The following AQP7 variants were observed in gnomAD, a reference collection of about 807,000 sequenced individuals.
AQP7 encodes aquaporin 7.
Under a neutral mutation model 26.1 loss-of-function variants are expected in AQP7, and 22 were observed. The ratio of observed to expected loss-of-function variants is 0.84; its 90% confidence interval spans 0.60 to 1.20. The LOEUF (loss-of-function observed/expected upper bound fraction) is 1.20, where lower values mean the gene tolerates loss of function less well. Ranked by LOEUF, AQP7 falls within the 50% of genes most tolerant of loss-of-function variation. AQP7 has a pLI of 0.00. For synonymous variants in AQP7, 167 were observed against 181.7 expected (o/e 0.92, Z 0.65); for missense variants, 412 against 457.5 (o/e 0.90, Z 0.91).
rs202043723 is a variant in AQP7 at position 33,385,237 on chromosome 9, T to A, written c.797A>T (p.Tyr266Phe). Residue 266 changes from tyrosine to phenylalanine, a missense_variant, in exon 8 of 8, where the codon TAT (tyrosine) becomes TTT (phenylalanine). Tyr to Phe is a conservative substitution (Grantham distance 22). Transcript: ENST00000297988. ...GACCAGGTAGATGATGCCACCTAGA[T>A]AGGCACCCAGAAGTGGTGCCACCAC... ...VPVVAPLLGA[Y>F]LGGIIYLVFI... is the part of the protein sequence containing the mutation. 4.0e-5 allele frequency: 64 copies of A among 1,611,662 alleles called. No homozygotes were observed. In the African/African-American group the frequency reaches 8.4e-4, roughly 21 times the overall value.
Position 33,385,659 on chromosome 9 carries a change from G to A in AQP7, c.733C>T (p.Gln245Ter). The A allele has an allele frequency of 6.2e-7, 1 of 1,613,574 alleles. No homozygotes were observed. Among genetic ancestry groups the A allele is most frequent in the Non-Finnish European group, 8.5e-7 (1 of 1,180,002 alleles). The change falls in exon 7 of 8, where the codon CAG (glutamine) becomes TAG (stop). Residue 245 changes from glutamine (Q) to a stop codon, truncating the protein, a stop_gained. Transcript: ENST00000297988. LOFTEE classifies it low-confidence loss of function (END_TRUNC). ...GGGCAGGGGCAGTACCTGAAGACCTGTTTGCCCCAACCAGCAATGAAGGTG... is the reference window on the plus strand; with the variant it reads ...GGGCAGGGGCAGTACCTGAAGACCTATTTGCCCCAACCAGCAATGAAGGTG... ...IFTFIAGWGKQVFSNGENWWW... is the reference protein window; with the variant it reads ...IFTFIAGWGK
intron 3 of AQP7, among the ~76,000 whole-genome samples, chr9:33,389,115 A>T (rs376257946): frequency 2.0e-5 from 3 of 149,556 alleles, no homozygotes; most frequent in East Asian, 3.9e-4. Flanking sequence ...GCAACCTCCA[A>T]CTCCCGGGTT....
chr9:33,385,159 G>A lies in AQP7; in HGVS notation c.875C>T (p.Ala292Val), dbSNP rs201527236. 6.0e-5 allele frequency: 97 copies of A among 1,611,838 alleles called. No individual in the cohort carries two copies. Among genetic ancestry groups the A allele is most frequent in the South Asian group, 8.8e-5 (8 of 90,992 alleles). ...REPLKLEDSVAYEDHGITVLP... is the reference protein window; with the variant it reads ...REPLKLEDSVVYEDHGITVLP... ...TACGGTTATCCCGTGGTCTTCATAC[G>A]CCACAGAATCCTCCAATTTCAGGGG... is the stretch of plus-strand genomic sequence containing the variant. Residue 292 changes from alanine (A) to valine (V), a missense_variant, in exon 8 of 8, where the codon GCG (alanine) becomes GTG (valine). By Grantham distance (64) the Ala-to-Val change is moderately conservative. Coordinates refer to ENST00000297988, the MANE Select transcript of AQP7 (RefSeq NM_001170.3).
Position 33,385,104 on chromosome 9 carries a change from C to T in AQP7, c.930G>A (p.Thr310=), listed in dbSNP as rs144909659. 2.8e-4 allele frequency: 445 copies of T among 1,611,896 alleles called. No individual in the cohort carries two copies. The Admixed American group carries it at 7.1e-3, about 26-fold the overall frequency. ...VLPKMGSHEP[T]ISPLTPVSVS... ...CAGAGACGGGGGTGAGGGGAGAGAT[C>T]GTGGGTTCATGAGATCCCATCTTGG... The change falls in exon 8 of 8, where the codon ACG becomes ACA. Residue 310 remains threonine, a synonymous_variant. Transcript: ENST00000297988.
At position 33,397,848 on chromosome 9, in the gene AQP7, C is replaced by T. The variant is rs192195687; in HGVS notation, c.27-2653G>A. Among the ~76,000 whole-genome samples, 60 of 152,334 alleles carry T rather than the reference C, an allele frequency of 3.9e-4. 1 individual carries two copies. Among genetic ancestry groups the T allele is most frequent in the Middle Eastern group, 3.4e-3 (1 of 294 alleles). On this transcript the variant is annotated intron_variant, in intron 2 of 7. Coordinates refer to ENST00000297988, the MANE Select transcript of AQP7 (RefSeq NM_001170.3). ...AGAATCCTGGAAGCCTGGCTCCTTC[C>T]TCATCACCACACAGCTGGCAAGACA...
chr9:33,388,412 C>T (rs1370277715), intron 3 of AQP7, among the ~76,000 whole-genome samples: 1 of 152,136 alleles, frequency 6.6e-6, no homozygotes, highest in Non-Finnish European at 1.5e-5. Context: ...CTAACAAAAA[C>T]CCCATCGCGT....
chr9:33,395,392 A>G (rs1424250500), intron 2 of AQP7, 197 bp from the exon 3 acceptor site: 23 of 596,916 alleles, frequency 3.9e-5, no homozygotes, highest in Non-Finnish European at 6.9e-5. Context: ...GAACTGGGGT[A>G]GATGGCCAGG....
At chr9:33,397,319 G>A (rs1358888274) in intron 2 of AQP7, among the ~76,000 whole-genome samples, 1 of 151,904 alleles carries the variant, frequency 6.6e-6, no homozygotes, top group African/African-American at 2.4e-5. Context: ...TCCCTGCTCT[G>A]TCTACCTCTC....
chr9:33,394,554 A>G (rs1170837079), intron 3 of AQP7, among the ~76,000 whole-genome samples: 1 of 146,942 alleles, frequency 6.8e-6, no homozygotes, highest in Non-Finnish European at 1.5e-5. Flanking sequence ...CTGGAGTGCA[A>G]TGGTGTGATC....
intron 2 of AQP7, among the ~76,000 whole-genome samples, chr9:33,397,116 A>C (rs1431506027): frequency 6.6e-6 from 1 of 151,646 alleles, no homozygotes; most frequent in Non-Finnish European, 1.5e-5. Flanking sequence ...AAAAAAAAAA[A>C]AAAGCTTGAT....
chr9:33,399,137 G>C (rs2118868272), intron 2 of AQP7, among the ~76,000 whole-genome samples: 1 of 151,978 alleles, frequency 6.6e-6, no homozygotes, highest in Middle Eastern at 3.4e-3. Context: ...ACCACGCCTG[G>C]TGGCTTACTA....
chr9:33,390,814 A>C (rs1205138496), intron 3 of AQP7, among the ~76,000 whole-genome samples: 1 of 152,188 alleles, frequency 6.6e-6, no homozygotes, highest in Admixed American at 6.5e-5. Context: ...TGTGCTAAAA[A>C]TACTGGATGA....
intron 2 of AQP7, among the ~76,000 whole-genome samples, chr9:33,399,848 G>A (rs562168205): frequency 1.3e-5 from 2 of 152,192 alleles, no homozygotes; most frequent in South Asian, 4.1e-4. Context: ...GTAGGGTGGT[G>A]GTAGAAAGAA....
rs376631352 is a variant in AQP7, at chr9:33,394,449, A to T, written c.144+629T>A. ...CACTGCCCTCTGGATTCATTATCAG[A>T]GCCCGATCATCAAGTTTCTCTTCAA... On this transcript the variant is annotated intron_variant, in intron 3 of 7. Transcript: ENST00000297988. 6.3e-4 allele frequency among the ~76,000 whole-genome samples: 94 copies of T among 149,476 alleles called. 2 individuals carry two copies. The South Asian group carries it at 0.019, about 31-fold the overall frequency.
At position 33,385,793 on chromosome 9, in the gene AQP7, C is replaced by T; in HGVS notation, c.599G>A (p.Gly200Glu). The T allele has an allele frequency of 2.5e-6, 4 of 1,613,278 alleles. No individual in the cohort carries two copies. Among genetic ancestry groups the T allele is most frequent in the Middle Eastern group, 1.9e-4 (1 of 5,358 alleles). ...GATGCCTATCACCAGCGCCTCTGTT[C>T]CTGGCAGTGCTGGGTTGTTCTCCTG... ...TDQENNPALP[G>E]TEALVIGILV... The change falls in exon 7 of 8, where the codon GGA becomes GAA. Residue 200 changes from glycine (G) to glutamate (E), a missense_variant. Transcript: ENST00000297988.
intron 2 of AQP7, among the ~76,000 whole-genome samples, chr9:33,397,758 C>T (rs561589162): frequency 7.2e-5 from 11 of 152,194 alleles, no homozygotes; most frequent in African/African-American, 2.6e-4. Flanking sequence ...CCCCAGCTCC[C>T]ATGCTGGAGG....
At chr9:33,387,386 G>A (rs1181602923) in intron 3 of AQP7, among the ~76,000 whole-genome samples, 1 of 152,032 alleles carries the variant, frequency 6.6e-6, no homozygotes, top group African/African-American at 2.4e-5. Flanking sequence ...TGAAGTTTTG[G>A]GGTGAGGCAG....
intron 7 of AQP7, 109 bp downstream of exon 7, chr9:33,385,540 G>C: frequency 7.3e-7 from 1 of 1,365,392 alleles, no homozygotes. Context: ...AGGCTACCTG[G>C]GGGCTCAGCA....
At chr9:33,386,287 C>T (rs941283546) in intron 5 of AQP7, 92 bp from the exon 6 acceptor site, 9 of 1,598,492 alleles carry the variant, frequency 5.6e-6, no homozygotes, top group African/African-American at 1.3e-5. Context: ...GGTGGGGGAT[C>T]TCCAAGGCTT....
Sources: gnomAD v4.1 joint callset for allele counts (sites outside exome capture counted in the v4.1 genomes callset) on GRCh38, gnomAD v4.1.1 for gene constraint, MANE v1.5 for transcripts, NCBI Gene and HGNC (gene_info 2026-07-23, HGNC 2026-07-21) for gene names.